ZNF451: variants seen among roughly 807,000 people sequenced by gnomAD.
ZNF451 encodes the protein E3 SUMO-protein ligase ZNF451.
A neutral mutation model predicts 107.1 loss-of-function variants in ZNF451; 80 were observed. That is an observed-to-expected ratio of 0.75 (90% confidence interval 0.62 to 0.90). The LOEUF (loss-of-function observed/expected upper bound fraction) is 0.90, where lower values mean the gene tolerates loss of function less well. ZNF451 is among the 40% of genes least tolerant of loss of function. The probability of loss-of-function intolerance (pLI) is 0.00; values close to 1 mark genes in which losing one functional copy is unlikely to be tolerated. For synonymous variants in ZNF451, 362 were observed against 406.5 expected, an observed-to-expected ratio of 0.89 and a Z score of 1.32; for missense variants, 1,107 against 1,236.2, an observed-to-expected ratio of 0.90 and a Z score of 1.57.
At chr6:57,152,378 A>C in intron 12 of ZNF451, 27 bp downstream of exon 12, 1 of 1,612,486 alleles carries the variant, frequency 6.2e-7, no homozygotes, top group Non-Finnish European at 8.5e-7. Flanking sequence ...TTCAAAATCT[A>C]ATGTGAATCT....
At chr6:57,129,211 G>C (rs1208711472) in intron 5 of ZNF451, among the ~76,000 whole-genome samples, 1 of 152,158 alleles carries the variant, frequency 6.6e-6, no homozygotes, top group Non-Finnish European at 1.5e-5. Context: ...CTGAGATCTA[G>C]AGGATTCATG....
At chr6:57,123,890 T>G (rs1294577471) in intron 3 of ZNF451, among the ~76,000 whole-genome samples, 1 of 152,230 alleles carries the variant, frequency 6.6e-6, no homozygotes, top group Non-Finnish European at 1.5e-5. Context: ...TTGCTATAAT[T>G]GCTTATTAGT....
chr6:57,115,037 A>T (rs1830299148), intron 3 of ZNF451: 1 of 152,152 alleles, frequency 6.6e-6, no homozygotes, highest in Admixed American at 6.5e-5. Context: ...AGATGGGAGG[A>T]TTGCTTGAGG....
intron 7 of ZNF451, among the ~76,000 whole-genome samples, chr6:57,138,739 A>ATGTGTGTGTG (rs1243721592): frequency 4.1e-5 from 3 of 73,252 alleles, no homozygotes; most frequent in African/African-American, 1.8e-4. Context: ...ATATATATAT[A>ATGTGTGTGTG]TATGTGTGTG....
At chr6:57,100,844 T>C in intron 3 of ZNF451, 1 of 1,548,112 alleles carries the variant, frequency 6.5e-7, no homozygotes, top group South Asian at 1.2e-5. Context: ...TCACAGAATT[T>C]TCAGACTCTG....
At chr6:57,102,477 A>G (rs762099632) in intron 3 of ZNF451, 48 of 996,096 alleles carry the variant, frequency 4.8e-5, no homozygotes, top group Non-Finnish European at 5.6e-5. Flanking sequence ...TTTTGAATCT[A>G]GAAATAATAC....
chr6:57,161,500 C>A (rs1763673154), intron 14 of ZNF451, among the ~76,000 whole-genome samples: 2 of 151,950 alleles, frequency 1.3e-5, no homozygotes, highest in Non-Finnish European at 1.5e-5. Flanking sequence ...CCCCGCCCCC[C>A]TCAAATAATT....
At position 57,168,441 on chromosome 6, in the gene ZNF451, C is replaced by T; in HGVS notation, c.3158C>T (p.Ala1053Val). ...AATGCAGATGTGGAATTAGAAGAAG[C>T]TATTAGAAGAAGTCTTGAGGAAATG... is the stretch of plus-strand genomic sequence containing the variant. ...ISTEDVELEE[A>V]IRRSLEEM is the part of the protein sequence containing the mutation. The change falls in exon 15 of 15, where the codon GCT becomes GTT. Residue 1053 changes from alanine (A) to valine (V), a missense_variant. By Grantham distance (64) the Ala-to-Val change is moderately conservative (BLOSUM62 0). This residue lies in a region of ZNF451 where 151 missense variants were observed against 173.3 expected (regional missense o/e 0.87). Transcript: ENST00000370706. 3 of 1,608,024 alleles carry T rather than the reference C, an allele frequency of 1.9e-6. No individual in the cohort carries two copies. Among genetic ancestry groups the T allele is most frequent in the Non-Finnish European group, 2.5e-6 (3 of 1,177,042 alleles).
intron 12 of ZNF451, 114 bp downstream of exon 12, chr6:57,152,465 C>T (rs1363896025): frequency 8.0e-7 from 1 of 1,245,008 alleles, no homozygotes; most frequent in African/African-American, 1.5e-5. Flanking sequence ...TCAGGTTCTA[C>T]CTATGACTAT....
chr6:57,151,295 C>T (rs1293658092), intron 11 of ZNF451: 1 of 152,322 alleles, frequency 6.6e-6, no homozygotes, highest in Non-Finnish European at 1.4e-5. Context: ...TGGTGTGAAC[C>T]CAGGAGGCGA....
chr6:57,134,664 C>G, intron 6 of ZNF451, 80 bp from the exon 7 acceptor site: 1 of 1,343,114 alleles, frequency 7.4e-7, no homozygotes, highest in Non-Finnish European at 1.0e-6. Flanking sequence ...ATGTGTTTAG[C>G]TTCACAAATG....
chr6:57,107,294 A>G lies in ZNF451; in HGVS notation c.186+8153A>G, dbSNP rs564917147. ...ATGTAGATGATATTTTTATTCTATC[A>G]GTGTATACTAGACAGGATTTTGATG... is the stretch of plus-strand genomic sequence containing the variant. On this transcript the variant is annotated intron_variant, in intron 3 of 14. Transcript: ENST00000370706. The G allele has an allele frequency of 1.1e-3, 1,078 of 985,028 alleles. 36 individuals are homozygous for G. In the South Asian group the frequency reaches 0.046, roughly 42 times the overall value. The allele number at this position is 985,028 out of a possible 1,614,324, so 61.0% of individuals were successfully genotyped here.
intron 4 of ZNF451, among the ~76,000 whole-genome samples, chr6:57,126,089 T>C (rs1022594249): frequency 3.3e-5 from 5 of 152,212 alleles, no homozygotes; most frequent in African/African-American, 1.2e-4. Flanking sequence ...GTTTTTGTGA[T>C]GAGCCCAGAA....
chr6:57,100,926 T>G, intron 3 of ZNF451: 1 of 1,550,942 alleles, frequency 6.4e-7, no homozygotes, highest in South Asian at 1.2e-5. Flanking sequence ...TACGTATAGA[T>G]TCTTCTTCAG....
intron 7 of ZNF451, among the ~76,000 whole-genome samples, chr6:57,136,328 C>T (rs1831423973): frequency 6.6e-6 from 1 of 152,004 alleles, no homozygotes; most frequent in Middle Eastern, 3.2e-3. Context: ...AGCCCAATTC[C>T]TTCCTTTTTT....
intron 1 of ZNF451, 141 bp downstream of exon 1, chr6:57,090,415 G>A (rs1184670988): frequency 3.3e-5 from 44 of 1,335,610 alleles, no homozygotes; most frequent in Non-Finnish European, 4.1e-5. Context: ...CAGCTCTGGG[G>A]CCTGGTGCGT....
intron 13 of ZNF451, among the ~76,000 whole-genome samples, chr6:57,157,709 T>G (rs1408279814): frequency 1.3e-5 from 2 of 152,188 alleles, no homozygotes; most frequent in Non-Finnish European, 2.9e-5. Context: ...TTCTTAACAC[T>G]TAAGATACAT....
chr6:57,156,252 A>G (rs1221138958), intron 13 of ZNF451, among the ~76,000 whole-genome samples: 1 of 152,192 alleles, frequency 6.6e-6, no homozygotes, highest in African/African-American at 2.4e-5. Context: ...TTCTTCATGG[A>G]AGACTTAAAA....
intron 3 of ZNF451, among the ~76,000 whole-genome samples, chr6:57,117,216 A>G (rs2127953645): frequency 6.6e-6 from 1 of 152,284 alleles, no homozygotes; most frequent in South Asian, 2.1e-4. Context: ...TATTTGTGTT[A>G]CAGCTGTTGG....
Sources: allele counts gnomAD v4.1 joint callset (sites outside exome capture counted in the v4.1 genomes callset), GRCh38; gene constraint gnomAD v4.1.1; regional missense constraint gnomAD v4.1.1; transcripts MANE v1.5; gene names NCBI Gene and HGNC (gene_info 2026-07-23, HGNC 2026-07-21).